Variants in PACRGL observed in about 807,000 individuals in gnomAD.
The protein encoded by PACRGL is PACRG-like protein.
A neutral mutation model predicts 34.5 loss-of-function variants in PACRGL; 38 were observed. That is an observed-to-expected ratio of 1.10 (90% CI 0.85 to 1.44). PACRGL has a LOEUF of 1.44. Among genes scored for constraint, PACRGL ranks in the 40% most tolerant of loss-of-function variants. PACRGL has a pLI of 0.00. For missense variants in PACRGL, 305 were observed against 281.4 expected, an observed-to-expected ratio of 1.08 and a Z score of -0.60; for synonymous variants, 128 against 100.1, an observed-to-expected ratio of 1.28 and a Z score of -1.66.
Position 20,729,274 on chromosome 4 carries a change from A to G in PACRGL, c.*1933A>G, listed in dbSNP as rs948619718. The G allele has an allele frequency of 6.6e-6, 1 of 152,312 alleles. No homozygotes were observed. The highest frequency in any genetic ancestry group is 1.5e-5 in the Non-Finnish European group (1 of 68,012). 9.4% of individuals were successfully genotyped at this position (152,312 alleles called of 1,614,324 possible). A position where few individuals can be genotyped will look rare whatever the true frequency, so the allele number is the denominator to read the frequency against. ...TGACCCTTTGCATATGTCTGTAAACATCCTTGTTTTGTTTGATGCCTTCTT... is the reference window on the plus strand; with the variant it reads ...TGACCCTTTGCATATGTCTGTAAACGTCCTTGTTTTGTTTGATGCCTTCTT... On this transcript the variant is annotated 3_prime_UTR_variant, in exon 9 of 9. Transcript: ENST00000503585.
intron 8 of PACRGL, among the ~76,000 whole-genome samples, chr4:20,748,874 G>C (rs1578509744): frequency 1.0e-5 from 1 of 99,140 alleles, no homozygotes; most frequent in South Asian, 3.3e-4. Flanking sequence ...AATTACGTGT[G>C]TGTGTGTATG....
rs910404986 is a variant in PACRGL, at chr4:20,729,783, A to G, written c.*2442A>G. On this transcript the variant is annotated 3_prime_UTR_variant, in exon 9 of 9. Transcript: ENST00000503585. ...AAAATCACTGATATGTGAAAGCCTC[A>G]ATAATCCCATGGCTAAGGAACCAAT... 1 of 275,000 alleles carries G rather than the reference A, an allele frequency of 3.6e-6. No homozygotes were observed. The highest frequency in any genetic ancestry group is 6.3e-5 in the East Asian group (1 of 15,994). 17.0% of individuals were successfully genotyped at this position (275,000 alleles called of 1,614,324 possible). A position where few individuals can be genotyped will look rare whatever the true frequency, so the allele number is the denominator to read the frequency against.
At chr4:20,727,215 C>T in intron 8 of PACRGL, 70 bp from the exon 9 acceptor site, 1 of 1,342,224 alleles carries the variant, frequency 7.5e-7, no homozygotes. Context: ...AGGCATATTC[C>T]TGCAAATATA....
chr4:20,765,429 T>C, the PACRGL span, among the ~76,000 whole-genome samples: 2 of 152,176 alleles, frequency 1.3e-5, no homozygotes, highest in African/African-American at 4.8e-5. Flanking sequence ...TCAATCAAAA[T>C]TGGGATCACC....
At chr4:20,711,381 G>A (rs1334271203) in intron 5 of PACRGL, among the ~76,000 whole-genome samples, 1 of 152,152 alleles carries the variant, frequency 6.6e-6, no homozygotes. Flanking sequence ...TAACAGATAA[G>A]TAGTGACAGA....
rs1370887045 is a variant in PACRGL, at chr4:20,722,029, C to T, written c.610-2779C>T. Among the ~76,000 whole-genome samples the T allele has an allele frequency of 3.3e-5, 5 of 152,320 alleles. No individual in the cohort carries two copies. In the East Asian group the frequency reaches 7.7e-4, roughly 24 times the overall value. On this transcript the variant is annotated intron_variant, in intron 7 of 8. Transcript: ENST00000503585. Reference sequence around the variant, plus strand: ...CTGCTGAAACCTCAGCAATGGCGGGCGCCCCTCTCCCAGCCTTGCTGCCGC... The same window carrying T: ...CTGCTGAAACCTCAGCAATGGCGGGTGCCCCTCTCCCAGCCTTGCTGCCGC...
chr4:20,764,729 T>C, the PACRGL span, among the ~76,000 whole-genome samples: 2 of 147,576 alleles, frequency 1.4e-5, no homozygotes, highest in South Asian at 4.4e-4. Flanking sequence ...CAAACAGCAA[T>C]AATTTGCTTC....
intron 4 of PACRGL, among the ~76,000 whole-genome samples, chr4:20,708,520 G>C (rs755005331): frequency 3.9e-5 from 6 of 152,024 alleles, no homozygotes; most frequent in Non-Finnish European, 7.4e-5. Context: ...TGAAAAATAA[G>C]CTCAAGAAAT....
At chr4:20,714,428 C>T (rs941674933) in intron 7 of PACRGL, among the ~76,000 whole-genome samples, 1 of 152,262 alleles carries the variant, frequency 6.6e-6, no homozygotes. Flanking sequence ...ATACAGCACA[C>T]TGATGGGTCT....
downstream of PACRGL, among the ~76,000 whole-genome samples, chr4:20,736,403 T>C (rs1335899694): frequency 2.0e-5 from 3 of 152,214 alleles, no homozygotes; most frequent in Non-Finnish European, 4.4e-5. Context: ...GATATTTTTT[T>C]CTATCATATA....
the PACRGL span, among the ~76,000 whole-genome samples, chr4:20,760,593 G>GATATGGTT: frequency 1.3e-5 from 2 of 152,118 alleles, no homozygotes. Context: ...AGAGCTTCTC[G>GATATGGTT]ATATGGTTTT....
chr4:20,739,311 A>G (rs1470005185), intron 8 of PACRGL, among the ~76,000 whole-genome samples: 3 of 152,236 alleles, frequency 2.0e-5, no homozygotes, highest in Non-Finnish European at 4.4e-5. Flanking sequence ...CCCGAGTAGC[A>G]TAACTGGGAA....
chr4:20,745,483 T>G (rs1402601636), intron 8 of PACRGL, among the ~76,000 whole-genome samples: 1 of 152,202 alleles, frequency 6.6e-6, no homozygotes, highest in Non-Finnish European at 1.5e-5. Context: ...GCTCCGTGCT[T>G]TTCTGAGTTG....
At chr4:20,747,278 G>T (rs1752591888) in intron 8 of PACRGL, among the ~76,000 whole-genome samples, 1 of 152,168 alleles carries the variant, frequency 6.6e-6, no homozygotes, top group South Asian at 2.1e-4. Flanking sequence ...GTAATTTCAA[G>T]TAATGGAGTC....
upstream of PACRGL, chr4:20,700,418 G>T (rs1317095175): frequency 6.6e-6 from 1 of 152,130 alleles, no homozygotes; most frequent in Non-Finnish European, 1.5e-5. Flanking sequence ...ACGTCATTGC[G>T]CGGCGCGACC....
At chr4:20,754,626 G>A (rs1237133149), downstream of PACRGL, among the ~76,000 whole-genome samples, 1 of 152,084 alleles carries the variant, frequency 6.6e-6, no homozygotes, top group East Asian at 1.9e-4. Flanking sequence ...GATGCCTCAT[G>A]TGGTCAGATT....
chr4:20,722,087 A>C (rs1743560400), intron 7 of PACRGL, among the ~76,000 whole-genome samples: 1 of 152,212 alleles, frequency 6.6e-6, no homozygotes, highest in South Asian at 2.1e-4. Context: ...CTGTGCTAGC[A>C]ATGAGCGAGG....
chr4:20,741,522 G>A (rs571678316), intron 8 of PACRGL, among the ~76,000 whole-genome samples: 3 of 152,316 alleles, frequency 2.0e-5, no homozygotes, highest in Admixed American at 1.3e-4. Flanking sequence ...TGAAACCAAT[G>A]AGAACAAAGA....
At chr4:20,756,146 C>T (rs980663941), downstream of PACRGL, among the ~76,000 whole-genome samples, 32 of 150,394 alleles carry the variant, frequency 2.1e-4, no homozygotes, top group African/African-American at 6.2e-4. Flanking sequence ...CAGGAGATAA[C>T]GGTGGCTCCT....
Sources: allele counts gnomAD v4.1 joint callset (sites outside exome capture counted in the v4.1 genomes callset), GRCh38; gene constraint gnomAD v4.1.1; transcripts MANE v1.5; gene names NCBI Gene and HGNC (gene_info 2026-07-23, HGNC 2026-07-21).